Variants in GNA14 observed in about 807,000 individuals in gnomAD.
The protein encoded by GNA14 is G protein subunit alpha 14.
In GNA14, 50 loss-of-function variants were observed where a neutral mutation model predicts 42.0. The observed-to-expected ratio is 1.19, with a 90% confidence interval of 0.95 to 1.51. The LOEUF (loss-of-function observed/expected upper bound fraction) is 1.51. GNA14 is among the 40% of genes most tolerant of loss of function. The probability of loss-of-function intolerance (pLI) is 0.00; values close to 1 mark genes in which losing one functional copy is unlikely to be tolerated. For synonymous variants in GNA14, 173 were observed against 163.1 expected (o/e 1.06, Z -0.46); for missense variants, 473 against 446.2 (o/e 1.06, Z -0.54).
At chr9:77,542,635 G>A (rs1439735223) in intron 1 of GNA14, among the ~76,000 whole-genome samples, 3 of 152,142 alleles carry the variant, frequency 2.0e-5, no homozygotes, top group African/African-American at 4.8e-5. Context: ...GCAGCCCAGT[G>A]GGACCCAAAT....
chr9:77,549,402 C>T (rs10869943), intron 1 of GNA14, among the ~76,000 whole-genome samples: 79,147 of 151,900 alleles, frequency 0.52, 20,803 homozygotes, highest in Admixed American at 0.59. Context: ...TTCTAACACC[C>T]TGTGGCCCTG....
At chr9:77,498,077 A>G (rs1836901655) in intron 2 of GNA14, among the ~76,000 whole-genome samples, 1 of 152,130 alleles carries the variant, frequency 6.6e-6, no homozygotes, top group African/African-American at 2.4e-5. Context: ...AATTAACCCA[A>G]ATGAAAACAA....
At chr9:77,630,080 A>C (rs1824073669) in intron 1 of GNA14, among the ~76,000 whole-genome samples, 1 of 151,090 alleles carries the variant, frequency 6.6e-6, no homozygotes, top group African/African-American at 2.5e-5. Context: ...GTTTAGAATT[A>C]AGAGAGTATG....
intron 2 of GNA14, among the ~76,000 whole-genome samples, chr9:77,509,324 C>A (rs1837122339): frequency 6.6e-6 from 1 of 152,170 alleles, no homozygotes; most frequent in Non-Finnish European, 1.5e-5. Flanking sequence ...CATGTATATA[C>A]CACATTTTGT....
intron 6 of GNA14, 88 bp from the exon 7 acceptor site, chr9:77,424,257 C>T (rs545274537): frequency 2.2e-6 from 2 of 903,126 alleles, no homozygotes; most frequent in Admixed American, 2.3e-5. Flanking sequence ...GAGTCTCGCT[C>T]TGTAGCCCAG....
chr9:77,586,162 G>A (rs1823298355), intron 1 of GNA14, among the ~76,000 whole-genome samples: 1 of 152,060 alleles, frequency 6.6e-6, no homozygotes, highest in South Asian at 2.1e-4. Flanking sequence ...GAACCCCAGA[G>A]CATCCTTCCC....
intron 1 of GNA14, among the ~76,000 whole-genome samples, chr9:77,549,751 GGACCTCATTTC>G (rs1391953143): frequency 2.0e-5 from 3 of 152,146 alleles, no homozygotes; most frequent in Admixed American, 6.5e-5. Context: ...CAACTTTGGA[GGACCTCATTTC>G]GGCCCTCTTT....
chr9:77,637,493 A>G (rs752228827), intron 1 of GNA14, among the ~76,000 whole-genome samples: 1 of 152,236 alleles, frequency 6.6e-6, no homozygotes, highest in Non-Finnish European at 1.5e-5. Flanking sequence ...AGGAATTTCT[A>G]TATCTTATCA....
intron 1 of GNA14, among the ~76,000 whole-genome samples, chr9:77,644,036 C>T (rs1204322082): frequency 1.3e-5 from 2 of 152,160 alleles, no homozygotes; most frequent in Non-Finnish European, 2.9e-5. Context: ...TTTAGTCCTC[C>T]CGCCAAAGTT....
At chr9:77,574,473 A>G (rs565146154) in intron 1 of GNA14, among the ~76,000 whole-genome samples, 3 of 152,366 alleles carry the variant, frequency 2.0e-5, no homozygotes, top group Non-Finnish European at 4.4e-5. Flanking sequence ...GACCAATGGA[A>G]TAAAAAATAT....
intron 1 of GNA14, among the ~76,000 whole-genome samples, chr9:77,573,326 G>T (rs964502529): frequency 2.6e-5 from 4 of 152,048 alleles, no homozygotes; most frequent in Non-Finnish European, 5.9e-5. Context: ...GCAGGCACCT[G>T]TAATCCCAGC....
intron 1 of GNA14, among the ~76,000 whole-genome samples, chr9:77,607,982 A>G (rs1823666019): frequency 6.6e-6 from 1 of 152,148 alleles, no homozygotes; most frequent in Non-Finnish European, 1.5e-5. Flanking sequence ...GGGTAGGGGG[A>G]ACATTCAGGC....
chr9:77,646,143 C>G (rs1358440664), intron 1 of GNA14, among the ~76,000 whole-genome samples: 1 of 152,166 alleles, frequency 6.6e-6, no homozygotes, highest in East Asian at 1.9e-4. Context: ...CCTTCCCCAC[C>G]CAAGCTCCCT....
chr9:77,573,949 TG>T (rs1823096101), intron 1 of GNA14, among the ~76,000 whole-genome samples: 1 of 152,180 alleles, frequency 6.6e-6, no homozygotes, highest in Non-Finnish European at 1.5e-5. Context: ...CAAGTATCTA[TG>T]TATCTCTATA....
At chr9:77,576,096 TTTAAA>T (rs1480616156) in intron 1 of GNA14, among the ~76,000 whole-genome samples, 1 of 152,216 alleles carries the variant, frequency 6.6e-6, no homozygotes, top group East Asian at 1.9e-4. Flanking sequence ...GTTGCATGTT[TTTAAA>T]TTAAGAGACA....
intron 2 of GNA14, among the ~76,000 whole-genome samples, chr9:77,450,172 T>C (rs1251913334): frequency 6.6e-6 from 1 of 152,186 alleles, no homozygotes; most frequent in Non-Finnish European, 1.5e-5. Context: ...CTGTCTCCAC[T>C]CTGAATTCTT....
intron 2 of GNA14, among the ~76,000 whole-genome samples, chr9:77,452,015 C>G (rs949741312): frequency 6.6e-6 from 1 of 152,196 alleles, no homozygotes; most frequent in Non-Finnish European, 1.5e-5. Context: ...GATGTCCATG[C>G]TCACTATGTG....
chr9:77,633,954 C>T (rs866909159), intron 1 of GNA14, among the ~76,000 whole-genome samples: 1 of 152,114 alleles, frequency 6.6e-6, no homozygotes, highest in Non-Finnish European at 1.5e-5. Flanking sequence ...TTAATATTGC[C>T]TTTTCCATTA....
intron 1 of GNA14, among the ~76,000 whole-genome samples, chr9:77,587,258 A>G (rs762056201): frequency 2.6e-5 from 4 of 152,204 alleles, no homozygotes; most frequent in Non-Finnish European, 5.9e-5. Context: ...CAAAAAGTTA[A>G]ACATAGAATT....
Sources: gnomAD v4.1 joint callset for allele counts (sites outside exome capture counted in the v4.1 genomes callset) on GRCh38, gnomAD v4.1.1 for gene constraint, MANE v1.5 for transcripts, NCBI Gene and HGNC (gene_info 2026-07-23, HGNC 2026-07-21) for gene names.